RPS6KA5: variants seen among roughly 807,000 people sequenced by gnomAD.
The protein encoded by RPS6KA5 is ribosomal protein S6 kinase alpha-5.
Under a neutral mutation model 85.5 loss-of-function variants are expected in RPS6KA5, and 27 were observed. The ratio of observed to expected loss-of-function variants is 0.32; its 90% confidence interval spans 0.23 to 0.44. RPS6KA5 has a LOEUF of 0.44. RPS6KA5 is among the 20% of genes least tolerant of loss of function. The pLI is 1.00. For missense variants in RPS6KA5, 811 were observed against 980.9 expected (o/e 0.83, Z 2.31); for synonymous variants, 334 against 348.2 (o/e 0.96, Z 0.46).
At chr14:90,943,340 G>C (rs138114379) in intron 4 of RPS6KA5, among the ~76,000 whole-genome samples, 155 bp from the exon 5 acceptor site, 168 of 151,902 alleles carry the variant, frequency 1.1e-3, no homozygotes, top group African/African-American at 3.5e-3. Flanking sequence ...CAGGGAAAAT[G>C]GAAATTCTTT....
At chr14:90,930,990 A>C (rs951155262) in intron 5 of RPS6KA5, among the ~76,000 whole-genome samples, 1 of 152,228 alleles carries the variant, frequency 6.6e-6, no homozygotes, top group Non-Finnish European at 1.5e-5. Flanking sequence ...ATGTTCCTCA[A>C]AAAATTAAAA....
intron 1 of RPS6KA5, among the ~76,000 whole-genome samples, chr14:91,047,099 A>G (rs983507385): frequency 6.6e-6 from 1 of 152,094 alleles, no homozygotes; most frequent in African/African-American, 2.4e-5. Flanking sequence ...AAAGTCAAAT[A>G]TCTTCCCATA....
intron 1 of RPS6KA5, among the ~76,000 whole-genome samples, chr14:91,025,547 C>T (rs1011996924): frequency 1.3e-5 from 2 of 151,990 alleles, no homozygotes; most frequent in African/African-American, 2.4e-5. Flanking sequence ...TATTATTTTG[C>T]GGAGGAGGCA....
chr14:90,935,212 T>C (rs929514870), intron 5 of RPS6KA5, among the ~76,000 whole-genome samples: 3 of 152,198 alleles, frequency 2.0e-5, no homozygotes, highest in Non-Finnish European at 4.4e-5. Context: ...CATCTTGAGA[T>C]ACGTACATTA....
At chr14:90,883,532 T>C (rs1217417522) in intron 14 of RPS6KA5, among the ~76,000 whole-genome samples, 1 of 152,180 alleles carries the variant, frequency 6.6e-6, no homozygotes, top group African/African-American at 2.4e-5. Flanking sequence ...TTAATACATT[T>C]TGTCTTGATG....
chr14:90,872,058 T>TA lies in RPS6KA5; in HGVS notation c.*15dup, dbSNP rs772575903. ...GAATAAAGGTGCAATGGATCACTGA[T>TA]ACACTCCTACCATGCCTAAGCTACT... On this transcript the variant is annotated 3_prime_UTR_variant, in exon 17 of 17. Transcript: ENST00000614987. 1 of 1,605,170 alleles carries TA rather than the reference T, an allele frequency of 6.2e-7. No homozygotes were observed. Among genetic ancestry groups the TA allele is most frequent in the African/African-American group, 1.3e-5 (1 of 74,202 alleles).
At chr14:90,944,439 G>C (rs1166005203) in intron 4 of RPS6KA5, among the ~76,000 whole-genome samples, 2 of 151,064 alleles carry the variant, frequency 1.3e-5, no homozygotes, top group African/African-American at 2.4e-5. Context: ...AACACAGTGA[G>C]ACCCATCTCT....
intron 15 of RPS6KA5, among the ~76,000 whole-genome samples, chr14:90,874,419 C>T (rs1188131035): frequency 6.6e-6 from 1 of 152,050 alleles, no homozygotes; most frequent in Non-Finnish European, 1.5e-5. Flanking sequence ...TGTAAAGACA[C>T]GGAGGGATCT....
intron 14 of RPS6KA5, among the ~76,000 whole-genome samples, chr14:90,889,633 GA>G (rs1035840794): frequency 5.3e-5 from 8 of 151,910 alleles, no homozygotes; most frequent in Admixed American, 2.6e-4. Flanking sequence ...GTGAAAAAGT[GA>G]AAAAAAGCTA....
chr14:90,950,488 TCA>T (rs2038116514), intron 3 of RPS6KA5, among the ~76,000 whole-genome samples: 1 of 152,202 alleles, frequency 6.6e-6, no homozygotes, highest in Admixed American at 6.5e-5. Context: ...GGGAAAGCAT[TCA>T]GTCTTTAACC....
intron 6 of RPS6KA5, 148 bp downstream of exon 6, chr14:90,922,965 G>A: frequency 1.7e-6 from 1 of 604,980 alleles, no homozygotes; most frequent in South Asian, 2.1e-5. Context: ...ATGTGTTCAG[G>A]AATACAAAGC....
At chr14:90,927,306 G>T (rs749643920) in intron 5 of RPS6KA5, among the ~76,000 whole-genome samples, 1 of 151,854 alleles carries the variant, frequency 6.6e-6, no homozygotes, top group Non-Finnish European at 1.5e-5. Flanking sequence ...ACAGGAAAAA[G>T]GGAAAACAGA....
intron 2 of RPS6KA5, among the ~76,000 whole-genome samples, chr14:90,998,197 C>G (rs2040617407): frequency 2.0e-5 from 3 of 152,014 alleles, no homozygotes; most frequent in Non-Finnish European, 4.4e-5. Flanking sequence ...TTGTTTAGGA[C>G]TGGGGAGGAT....
chr14:91,047,969 T>C (rs746436794), intron 1 of RPS6KA5, among the ~76,000 whole-genome samples: 2 of 152,344 alleles, frequency 1.3e-5, no homozygotes, highest in South Asian at 2.1e-4. Flanking sequence ...ACAAGAACTC[T>C]TGTGATTTCA....
At chr14:90,925,941 C>CAA (rs71117389) in intron 5 of RPS6KA5, among the ~76,000 whole-genome samples, 28 of 73,470 alleles carry the variant, frequency 3.8e-4, no homozygotes, top group African/African-American at 1.1e-3. Context: ...GACCCTGACT[C>CAA]AAAAAAAAAA....
chr14:90,918,730 A>T (rs2036249030), intron 7 of RPS6KA5, among the ~76,000 whole-genome samples: 1 of 152,138 alleles, frequency 6.6e-6, no homozygotes, highest in Admixed American at 6.5e-5. Context: ...ACTTTTTTCC[A>T]TCTGGATAGC....
chr14:90,953,370 T>C (rs1245919870), intron 3 of RPS6KA5, among the ~76,000 whole-genome samples: 2 of 152,222 alleles, frequency 1.3e-5, no homozygotes, highest in East Asian at 3.8e-4. Flanking sequence ...CTTTGTAAGA[T>C]GAGGATGTAC....
intron 14 of RPS6KA5, among the ~76,000 whole-genome samples, chr14:90,888,823 T>A (rs913795662): frequency 6.6e-6 from 1 of 152,176 alleles, no homozygotes; most frequent in Admixed American, 6.5e-5. Context: ...TCTGTTTAAA[T>A]CCTTCTAAAA....
At position 90,850,648 on chromosome 14, in the gene RPS6KA5, A is replaced by C. The variant is rs2031958770; in HGVS notation, c.*21426T>G. On this transcript the variant is annotated 3_prime_UTR_variant, in exon 17 of 17. Transcript: ENST00000614987. ...GAGGTAGCAGCCCCCACTTTCCCAA[A>C]AAGTTTTCAGGAAAAGGCTGCACAA... 1 of 152,224 alleles carries C rather than the reference A, an allele frequency of 6.6e-6. No homozygotes were observed. The allele number at this position is 152,224 out of a possible 1,614,324, so 9.4% of individuals were successfully genotyped here.
Sources: gnomAD v4.1 joint callset for allele counts (sites outside exome capture counted in the v4.1 genomes callset) on GRCh38, gnomAD v4.1.1 for gene constraint, MANE v1.5 for transcripts, NCBI Gene and HGNC (gene_info 2026-07-23, HGNC 2026-07-21) for gene names.